The following CEP350 variants were observed in gnomAD, a reference collection of about 807,000 sequenced individuals.
CEP350 encodes centrosomal protein 350, also known as centrosome-associated protein 350.
Under a neutral mutation model 331.8 loss-of-function variants are expected in CEP350, and 126 were observed. The ratio of observed to expected loss-of-function variants is 0.38; its 90% CI spans 0.33 to 0.44. CEP350 has a LOEUF of 0.44. CEP350 is among the 20% of genes least tolerant of loss of function. The pLI is 1.00. For missense variants in CEP350, 3,406 were observed against 3,634.6 expected, an observed-to-expected ratio of 0.94 and a Z score of 1.62; for synonymous variants, 1,200 against 1,259.5, an observed-to-expected ratio of 0.95 and a Z score of 1.00.
intron 1 of CEP350, among the ~76,000 whole-genome samples, chr1:179,967,026 A>C (rs1213040312): frequency 6.6e-6 from 1 of 152,208 alleles, no homozygotes; most frequent in East Asian, 1.9e-4. Flanking sequence ...AATTTGATTG[A>C]GCAAAGAAGA....
Position 180,090,707 on chromosome 1 carries a change from A to G in CEP350, c.6426-7A>G. Reference sequence around the variant, plus strand: ...TTTATTTCTGCTCATTAATTTTTACACGTCAGATCTGAAACGGCAAAGAAT... The same window carrying G: ...TTTATTTCTGCTCATTAATTTTTACGCGTCAGATCTGAAACGGCAAAGAAT... On this transcript the variant is annotated splice_polypyrimidine_tract_variant and splice_region_variant and intron_variant, in intron 32 of 37. Transcript: ENST00000367607. The G allele has an allele frequency of 6.5e-7, 1 of 1,542,158 alleles. No homozygotes were observed. The highest frequency in any genetic ancestry group is 8.7e-7 in the Non-Finnish European group (1 of 1,143,168).
chr1:180,031,563 A>G (rs548888288), intron 15 of CEP350, 69 bp downstream of exon 15: 23 of 790,802 alleles, frequency 2.9e-5, no homozygotes, highest in Admixed American at 4.0e-5. Context: ...AAAAATCCAT[A>G]TAATGAATTT....
chr1:180,071,639 C>T (rs541659248), intron 27 of CEP350, among the ~76,000 whole-genome samples: 26 of 151,684 alleles, frequency 1.7e-4, no homozygotes, highest in Non-Finnish European at 3.2e-4. Flanking sequence ...AAAAATTAGC[C>T]GGGCATGGTG....
Position 180,020,433 on chromosome 1 carries a change from G to A in CEP350, c.2659G>A (p.Asp887Asn). 3 of 1,613,946 alleles carry A rather than the reference G, an allele frequency of 1.9e-6. No individual in the cohort carries two copies. The highest frequency in any genetic ancestry group is 2.5e-6 in the Non-Finnish European group (3 of 1,179,896). ...VTPPVKDDNEDVFSARIQKML... is the reference protein window; with the variant it reads ...VTPPVKDDNENVFSARIQKML... Reference sequence around the variant, plus strand: ...TCCACCTGTGAAAGATGATAATGAAGATGTTTTCTCTGCCAGAATTCAGAA... The same window carrying A: ...TCCACCTGTGAAAGATGATAATGAAAATGTTTTCTCTGCCAGAATTCAGAA... The change falls in exon 12 of 38, where the codon GAT becomes AAT. Residue 887 changes from aspartate to asparagine, a missense_variant. Physicochemically the swap from Asp to Asn is conservative, Grantham distance 23 (BLOSUM62 1). Around this residue, in one of 5 missense-constraint regions of CEP350, gnomAD observed 1,857 missense variants for 1,909.2 expected, o/e 0.97. Coordinates refer to ENST00000367607, the MANE Select transcript of CEP350 (RefSeq NM_014810.5).
chr1:180,007,386 G>C (rs994223095), intron 8 of CEP350, among the ~76,000 whole-genome samples: 3 of 151,900 alleles, frequency 2.0e-5, no homozygotes, highest in African/African-American at 7.3e-5. Flanking sequence ...TTTCATGTTT[G>C]TTGGCCGCAT....
intron 36 of CEP350, among the ~76,000 whole-genome samples, chr1:180,096,965 G>A (rs1660512696): frequency 6.6e-6 from 1 of 152,038 alleles, no homozygotes; most frequent in African/African-American, 2.4e-5. Context: ...AAGCTCTCAA[G>A]TCATGCTGGT....
intron 8 of CEP350, among the ~76,000 whole-genome samples, chr1:180,011,345 A>T (rs1254672314): frequency 1.3e-5 from 2 of 152,318 alleles, no homozygotes; most frequent in Middle Eastern, 3.4e-3. Context: ...TTTAAAGCAA[A>T]CATATTATTT....
chr1:180,074,121 A>G (rs948037034), intron 27 of CEP350, among the ~76,000 whole-genome samples: 1 of 152,020 alleles, frequency 6.6e-6, no homozygotes, highest in South Asian at 2.1e-4. Context: ...GCTTTTTAGT[A>G]AGTGTTTGTG....
Position 180,093,036 on chromosome 1 carries a change from C to A in CEP350, c.6931C>A (p.Gln2311Lys). ...KDLPLDSENV[Q>K]KDLVGLAIEN... ...TCTTCCTTTAGATTCTGAAAATGTT[C>A]AGAAAGACCTAGTTGGATTAGCTAT... The change falls in exon 34 of 38, where the codon CAG becomes AAG. Residue 2311 changes from glutamine to lysine, a missense_variant. This residue lies in a region of CEP350 where 1,415 missense variants were observed against 1,512.3 expected (regional missense o/e 0.94). Coordinates refer to ENST00000367607, the MANE Select transcript of CEP350 (RefSeq NM_014810.5). 1 of 1,605,696 alleles carries A rather than the reference C, an allele frequency of 6.2e-7. No homozygotes were observed. The highest frequency in any genetic ancestry group is 1.1e-5 in the South Asian group (1 of 89,524).
intron 1 of CEP350, among the ~76,000 whole-genome samples, chr1:179,980,209 C>T (rs564280944): frequency 1.3e-5 from 2 of 151,906 alleles, no homozygotes; most frequent in African/African-American, 4.8e-5. Context: ...TAACTTTTCT[C>T]ATCAGTGTTT....
intron 29 of CEP350, among the ~76,000 whole-genome samples, chr1:180,080,086 A>C (rs1278765208): frequency 6.6e-6 from 1 of 152,118 alleles, no homozygotes; most frequent in Non-Finnish European, 1.5e-5. Flanking sequence ...CAGGATAGAA[A>C]TTTTGTCTTT....
intron 22 of CEP350, 23 bp from the exon 23 acceptor site, chr1:180,052,947 C>G: frequency 2.2e-6 from 2 of 915,414 alleles, no homozygotes; most frequent in Non-Finnish European, 3.4e-6. Context: ...ATGATAAAAT[C>G]TACTTTCTCC....
chr1:180,042,985 C>T (rs1288091994), intron 19 of CEP350, 71 bp from the exon 20 acceptor site: 2 of 1,506,602 alleles, frequency 1.3e-6, no homozygotes, highest in East Asian at 4.6e-5. Flanking sequence ...TTCCAAGACA[C>T]TATGCTCCTT....
chr1:180,049,644 A>G (rs1204257600), intron 22 of CEP350, among the ~76,000 whole-genome samples: 1 of 151,298 alleles, frequency 6.6e-6, no homozygotes, highest in East Asian at 1.9e-4. Context: ...CCTGGGTTCA[A>G]GTGATTCTCC....
chr1:180,077,012 T>TA, intron 28 of CEP350, among the ~76,000 whole-genome samples: 1 of 152,248 alleles, frequency 6.6e-6, no homozygotes, highest in South Asian at 2.1e-4. Context: ...CAGCATTGTG[T>TA]AGAGGTCCTA....
chr1:180,022,603 C>T (rs890737290), intron 12 of CEP350, 95 bp from the exon 13 acceptor site: 97 of 1,017,246 alleles, frequency 9.5e-5, no homozygotes, highest in Non-Finnish European at 1.3e-4. Context: ...TAAAATGTCC[C>T]TAAGCCCATA....
intron 27 of CEP350, among the ~76,000 whole-genome samples, chr1:180,070,743 G>T (rs1658827256): frequency 6.6e-6 from 1 of 152,168 alleles, no homozygotes; most frequent in Non-Finnish European, 1.5e-5. Flanking sequence ...ATCTTCATTA[G>T]AAACTGATCC....
chr1:180,111,994 T>C lies in CEP350; in HGVS notation c.*833T>C, dbSNP rs865933693. On this transcript the variant is annotated 3_prime_UTR_variant, in exon 38 of 38. Transcript: ENST00000367607. ...CAGGACCATCTCAGGCATCCAGGCATGGCAAAGTGGAAATAATTCATTTTG... is the reference window on the plus strand; with the variant it reads ...CAGGACCATCTCAGGCATCCAGGCACGGCAAAGTGGAAATAATTCATTTTG... 2.0e-5 allele frequency: 3 copies of C among 152,626 alleles called. No individual in the cohort carries two copies. The highest frequency in any genetic ancestry group is 2.0e-4 in the Admixed American group (3 of 15,280). 9.5% of individuals were successfully genotyped at this position (152,626 alleles called of 1,614,324 possible).
At chr1:179,989,066 T>C (rs760472308) in intron 3 of CEP350, among the ~76,000 whole-genome samples, 13 of 152,086 alleles carry the variant, frequency 8.5e-5, no homozygotes, top group Admixed American at 3.3e-4. Flanking sequence ...CATTTAAGGA[T>C]GATAAAGGAA....
Sources: gnomAD v4.1 joint callset for allele counts (sites outside exome capture counted in the v4.1 genomes callset) on GRCh38, gnomAD v4.1.1 for gene constraint, gnomAD v4.1.1 regional missense constraint, MANE v1.5 for transcripts, NCBI Gene and HGNC (gene_info 2026-07-23, HGNC 2026-07-21) for gene names.